Variants in EXPH5 observed in about 807,000 individuals in gnomAD.
EXPH5 encodes exophilin-5.
Under a neutral mutation model 41.1 loss-of-function variants are expected in EXPH5, and 42 were observed. The observed-to-expected ratio is 1.02, with a 90% CI of 0.80 to 1.32. The LOEUF (loss-of-function observed/expected upper bound fraction) is 1.32. Among genes scored for constraint, EXPH5 ranks in the 40% most tolerant of loss-of-function variants. The pLI is 0.00. For missense variants in EXPH5, 2,298 were observed against 2,314.5 expected (o/e 0.99, Z 0.15); for synonymous variants, 798 against 833.5 (o/e 0.96, Z 0.73).
At chr11:108,553,524 T>A (rs1382582647) in intron 1 of EXPH5, among the ~76,000 whole-genome samples, 1 of 152,224 alleles carries the variant, frequency 6.6e-6, no homozygotes, top group Non-Finnish European at 1.5e-5. Context: ...GTATACCTTT[T>A]ACCTGAGCCA....
chr11:108,511,768 G>A lies in EXPH5; in HGVS notation c.3739C>T (p.Leu1247=). ...GTGTAATATATTGAGACCACCTCCA[G>A]ACATTTTACATTATCTTCATCACCA... ...VSGDEDNVKC[L]EVVSIYYTLP... is the part of the protein sequence containing the mutation. The change falls in exon 6 of 6, where the codon CTG becomes TTG. Residue 1247 remains leucine, a synonymous_variant. Transcript: ENST00000265843. 1 of 1,610,944 alleles carries A rather than the reference G, an allele frequency of 6.2e-7. No individual in the cohort carries two copies. The highest frequency in any genetic ancestry group is 8.5e-7 in the Non-Finnish European group (1 of 1,179,334).
chr11:108,534,094 A>C (rs1342110331), intron 3 of EXPH5, among the ~76,000 whole-genome samples: 2 of 152,272 alleles, frequency 1.3e-5, no homozygotes, highest in Middle Eastern at 3.4e-3. Flanking sequence ...ATCTGACCCA[A>C]AAATGTTTTC....
Position 108,545,108 on chromosome 11 carries a change from C to T in EXPH5, c.120-3296G>A, listed in dbSNP as rs187836256. Reference sequence around the variant, plus strand: ...TGTGATTTTTCTGCTGCATTTCTCACACAATTGTGATAAAATATATCCAGG... The same window carrying T: ...TGTGATTTTTCTGCTGCATTTCTCATACAATTGTGATAAAATATATCCAGG... On this transcript the variant is annotated intron_variant, in intron 1 of 5. Transcript: ENST00000265843. 5.3e-5 allele frequency among the ~76,000 whole-genome samples: 8 copies of T among 152,106 alleles called. No homozygotes were observed. In the East Asian group the frequency reaches 1.5e-3, roughly 29 times the overall value.
intron 1 of EXPH5, among the ~76,000 whole-genome samples, chr11:108,559,683 T>C (rs574319880): frequency 6.6e-6 from 1 of 152,316 alleles, no homozygotes; most frequent in African/African-American, 2.4e-5. Flanking sequence ...CAGAACATCT[T>C]TTTTTCCCCT....
rs1276593348 is a variant in EXPH5, at chr11:108,518,288, C to T, written c.578G>A (p.Ser193Asn). Residue 193 changes from serine to asparagine, a missense_variant, in exon 5 of 6, where the codon AGT becomes AAT. Coordinates refer to ENST00000265843, the MANE Select transcript of EXPH5 (RefSeq NM_015065.3). ...VPKPAVMREESGMPPPWDASL... is the reference protein window; with the variant it reads ...VPKPAVMREENGMPPPWDASL... ...AGCATCCCACGGTGGAGGCATGCCA[C>T]TCTCCTCCCTCATGACTGCTGGCTT... is the stretch of plus-strand genomic sequence containing the variant. 6.2e-7 allele frequency: 1 copy of T among 1,613,794 alleles called. No individual in the cohort carries two copies. The highest frequency in any genetic ancestry group is 8.5e-7 in the Non-Finnish European group (1 of 1,179,750).
chr11:108,511,886 A>C lies in EXPH5; in HGVS notation c.3621T>G (p.Asn1207Lys). 1 of 1,588,332 alleles carries C rather than the reference A, an allele frequency of 6.3e-7. No homozygotes were observed. The highest frequency in any genetic ancestry group is 2.2e-5 in the East Asian group (1 of 44,802). The change falls in exon 6 of 6, where the codon AAT becomes AAG. Residue 1207 changes from asparagine (N) to lysine (K), a missense_variant. Coordinates refer to ENST00000265843, the MANE Select transcript of EXPH5 (RefSeq NM_015065.3). Reference protein sequence around the residue: ...ASRRSVFALSNEDPLPFCSDL... With the variant: ...ASRRSVFALSKEDPLPFCSDL... ...CTGAGCAAAAAGGTAAAGGGTCTTC[A>C]TTTGAAAGAGCAAATACACTTCTCC...
At chr11:108,576,215 A>G (rs2094079244) in intron 1 of EXPH5, among the ~76,000 whole-genome samples, 1 of 152,222 alleles carries the variant, frequency 6.6e-6, no homozygotes, top group Admixed American at 6.5e-5. Flanking sequence ...AAATTGTGGC[A>G]TATGCATACA....
At chr11:108,559,352 G>A (rs925386150) in intron 1 of EXPH5, among the ~76,000 whole-genome samples, 1 of 152,188 alleles carries the variant, frequency 6.6e-6, no homozygotes, top group African/African-American at 2.4e-5. Flanking sequence ...AGGGTTAATG[G>A]CAAGTTGAGT....
intron 3 of EXPH5, among the ~76,000 whole-genome samples, chr11:108,537,176 C>G (rs1467441615): frequency 1.3e-5 from 2 of 152,150 alleles, no homozygotes; most frequent in African/African-American, 4.8e-5. Flanking sequence ...TACAATGCCC[C>G]CTTTAATAAA....
At chr11:108,555,333 A>G (rs1259811967) in intron 1 of EXPH5, among the ~76,000 whole-genome samples, 1 of 152,262 alleles carries the variant, frequency 6.6e-6, no homozygotes, top group African/African-American at 2.4e-5. Flanking sequence ...ACTTTTATTT[A>G]TCTTAAACCT....
chr11:108,603,818 T>A, the EXPH5 span, among the ~76,000 whole-genome samples: 2 of 152,156 alleles, frequency 1.3e-5, no homozygotes, highest in African/African-American at 4.8e-5. Flanking sequence ...CAGAGAGCAG[T>A]TCCTAATAAC....
intron 1 of EXPH5, among the ~76,000 whole-genome samples, chr11:108,553,197 T>TA (rs997042119): frequency 1.3e-5 from 2 of 151,986 alleles, no homozygotes; most frequent in African/African-American, 4.8e-5. Context: ...AGACTCTATC[T>TA]AAAAAAAATA....
At chr11:108,596,347 A>G (rs1455601118), upstream of EXPH5, among the ~76,000 whole-genome samples, 1 of 152,172 alleles carries the variant, frequency 6.6e-6, no homozygotes, top group Non-Finnish European at 1.5e-5. Flanking sequence ...GAGAGTAGAA[A>G]AAGAGGGTGG....
rs1398334265 is a variant in EXPH5 at position 108,514,024 on chromosome 11, G to A, written c.1483C>T (p.Arg495Ter). ...GAAGAACTGAATGATTTCCTGCTTC[G>A]ATGAAAGTCAGACCAGAAAGAATGT... is the stretch of plus-strand genomic sequence containing the variant. Reference protein sequence around the residue: ...KGHSFWSDFHRSRKSFSSSDR... With the variant: ...KGHSFWSDFH The change falls in exon 6 of 6, where the codon CGA becomes TGA. Residue 495 changes from arginine to a stop codon, truncating the protein, a stop_gained. Coordinates refer to ENST00000265843, the MANE Select transcript of EXPH5 (RefSeq NM_015065.3). LOFTEE classifies it low-confidence loss of function (END_TRUNC). 1.2e-6 allele frequency: 2 copies of A among 1,613,972 alleles called. No homozygotes were observed. The highest frequency in any genetic ancestry group is 8.5e-7 in the Non-Finnish European group (1 of 1,179,974).
chr11:108,579,719 C>T (rs940200869), intron 1 of EXPH5, among the ~76,000 whole-genome samples: 2 of 152,114 alleles, frequency 1.3e-5, no homozygotes, highest in African/African-American at 2.4e-5. Context: ...ACTGAAACTG[C>T]TGTGAATTTA....
At chr11:108,551,806 C>G (rs973642981) in intron 1 of EXPH5, among the ~76,000 whole-genome samples, 1 of 152,136 alleles carries the variant, frequency 6.6e-6, no homozygotes, top group African/African-American at 2.4e-5. Context: ...CAGATCAAAG[C>G]AGTATTAAAG....
chr11:108,579,930 C>T lies in EXPH5; in HGVS notation c.119+13488G>A, dbSNP rs148796246. On this transcript the variant is annotated intron_variant, in intron 1 of 5. Coordinates refer to ENST00000265843, the MANE Select transcript of EXPH5 (RefSeq NM_015065.3). ...TAAAACTCTCAGGGAAGGGAATCTT[C>T]CCTTCGAATTAGAGGAGCTAGGAGA... is the stretch of plus-strand genomic sequence containing the variant. Among the ~76,000 whole-genome samples the T allele has an allele frequency of 2.1e-3, 317 of 152,220 alleles. 2 individuals carry two copies. The highest frequency in any genetic ancestry group is 6.8e-3 in the Middle Eastern group (2 of 294).
At chr11:108,583,987 C>T (rs1014653434) in intron 1 of EXPH5, among the ~76,000 whole-genome samples, 1 of 152,092 alleles carries the variant, frequency 6.6e-6, no homozygotes, top group Non-Finnish European at 1.5e-5. Flanking sequence ...TGGTAGGGTA[C>T]AAGATCAATA....
Position 108,509,934 on chromosome 11 carries a change from C to A in EXPH5, c.5573G>T (p.Cys1858Phe). The A allele has an allele frequency of 1.2e-6, 2 of 1,611,482 alleles. No individual in the cohort carries two copies. The highest frequency in any genetic ancestry group is 1.7e-6 in the Non-Finnish European group (2 of 1,179,082). ...RFRSFSELPS[C>F]DGNESWAYRS... ...ATAAGCCCAACTTTCATTTCCATCA[C>A]AGGAGGGGAGTTCAGAAAAAGATCT... Residue 1858 changes from cysteine to phenylalanine, a missense_variant, in exon 6 of 6, where the codon TGT (cysteine) becomes TTT (phenylalanine). Physicochemically the swap from Cys to Phe is radical, Grantham distance 205. Coordinates refer to ENST00000265843, the MANE Select transcript of EXPH5 (RefSeq NM_015065.3).
Sources: gnomAD v4.1 joint callset for allele counts (sites outside exome capture counted in the v4.1 genomes callset) on GRCh38, gnomAD v4.1.1 for gene constraint, MANE v1.5 for transcripts, NCBI Gene and HGNC (gene_info 2026-07-23, HGNC 2026-07-21) for gene names.